GMPS: variants seen among roughly 807,000 people sequenced by gnomAD.
GMPS encodes the protein guanosine monophosphate synthase.
In GMPS, 15 loss-of-function variants were observed where a neutral mutation model predicts 77.9. That is an observed-to-expected ratio of 0.19 (90% CI 0.13 to 0.30). The LOEUF is 0.30. Among genes scored for constraint, GMPS ranks in the 10% least tolerant of loss-of-function variants. The probability of loss-of-function intolerance (pLI) is 1.00; values close to 1 mark genes in which losing one functional copy is unlikely to be tolerated. For synonymous variants in GMPS, 224 were observed against 275.9 expected (o/e 0.81, Z 1.86); for missense variants, 590 against 838.8 (o/e 0.70, Z 3.66).
chr3:155,908,300 G>A (rs755320047), intron 5 of GMPS, among the ~76,000 whole-genome samples: 70 of 152,222 alleles, frequency 4.6e-4, no homozygotes, highest in Non-Finnish European at 7.5e-4. Context: ...GCAGGAGGGA[G>A]GAGCCTGGCC....
chr3:155,913,054 G>A (rs1755080875), intron 7 of GMPS, among the ~76,000 whole-genome samples: 1 of 152,194 alleles, frequency 6.6e-6, no homozygotes, highest in African/African-American at 2.4e-5. Flanking sequence ...GAGGGTGGAG[G>A]TAAGACTCTA....
chr3:155,887,248 G>T (rs1258040861), intron 1 of GMPS, among the ~76,000 whole-genome samples: 1 of 152,112 alleles, frequency 6.6e-6, no homozygotes, highest in Admixed American at 6.6e-5. Context: ...TCACTGTAAG[G>T]TTTTGAGCAA....
chr3:155,886,177 A>G (rs1264023695), intron 1 of GMPS, among the ~76,000 whole-genome samples: 2 of 152,162 alleles, frequency 1.3e-5, no homozygotes, highest in Non-Finnish European at 1.5e-5. Context: ...GCACTTGTCC[A>G]TTCATAATTG....
chr3:155,870,543 G>A (rs1244608424), upstream of GMPS: 3 of 273,806 alleles, frequency 1.1e-5, no homozygotes, highest in African/African-American at 4.4e-5. Context: ...CTCGAGGGCC[G>A]GCCGGTTTGG....
chr3:155,894,727 T>G (rs1754559159), intron 2 of GMPS, among the ~76,000 whole-genome samples: 1 of 152,214 alleles, frequency 6.6e-6, no homozygotes, highest in South Asian at 2.1e-4. Flanking sequence ...AAAAGAACTT[T>G]TAAAGACTTC....
chr3:155,906,100 G>C, intron 4 of GMPS, 60 bp from the exon 5 acceptor site: 1 of 945,274 alleles, frequency 1.1e-6, no homozygotes, highest in Non-Finnish European at 1.6e-6. Flanking sequence ...TAAAACAAAA[G>C]AACCCATGAA....
At chr3:155,891,513 C>A (rs1027612664) in intron 1 of GMPS, among the ~76,000 whole-genome samples, 2 of 151,922 alleles carry the variant, frequency 1.3e-5, no homozygotes, top group Non-Finnish European at 2.9e-5. Flanking sequence ...ATGACCAGAA[C>A]CTTCATTTCT....
At chr3:155,928,263 G>T (rs62287764) in intron 12 of GMPS, among the ~76,000 whole-genome samples, 8,250 of 151,862 alleles carry the variant, frequency 0.054, 311 homozygotes, top group East Asian at 0.18. Context: ...CTGAGCTCAG[G>T]CAATCCACCC....
At chr3:155,874,049 C>G (rs965007202) in intron 1 of GMPS, among the ~76,000 whole-genome samples, 1 of 152,190 alleles carries the variant, frequency 6.6e-6, no homozygotes, top group South Asian at 2.1e-4. Context: ...TACCCTTTCC[C>G]CCTGAGTCTC....
At position 155,940,261 on chromosome 3, in the gene GMPS, C is replaced by T. The variant is rs1188232580; in HGVS notation, c.*2569C>T. The T allele has an allele frequency of 5.0e-6, 1 of 201,726 alleles. No individual in the cohort carries two copies. The highest frequency in any genetic ancestry group is 7.7e-5 in the East Asian group (1 of 13,026). 12.5% of individuals were successfully genotyped at this position (201,726 alleles called of 1,614,324 possible). ...CAGGCACAGAATCATTTTTAAGAAC[C>T]AAATACCCAGTCCTGCCTTAAAGGC... On this transcript the variant is annotated 3_prime_UTR_variant, in exon 16 of 16. Coordinates refer to ENST00000496455, the MANE Select transcript of GMPS (RefSeq NM_003875.3).
intron 5 of GMPS, among the ~76,000 whole-genome samples, chr3:155,908,542 A>G (rs1170473858): frequency 6.6e-6 from 1 of 152,220 alleles, no homozygotes; most frequent in Non-Finnish European, 1.5e-5. Context: ...CAGAGATAGA[A>G]GTTGTCAGGA....
chr3:155,912,145 T>C (rs572566589), intron 7 of GMPS, among the ~76,000 whole-genome samples: 1 of 152,344 alleles, frequency 6.6e-6, no homozygotes, highest in Non-Finnish European at 1.5e-5. Context: ...ATGGAATTAA[T>C]TGGAATTGAT....
At chr3:155,918,358 A>G (rs1288378141) in intron 9 of GMPS, among the ~76,000 whole-genome samples, 2 of 152,240 alleles carry the variant, frequency 1.3e-5, no homozygotes, top group Non-Finnish European at 2.9e-5. Flanking sequence ...AGGCTGAGGC[A>G]GGAGAATTGC....
intron 12 of GMPS, among the ~76,000 whole-genome samples, chr3:155,926,664 A>C (rs1297637381): frequency 6.6e-6 from 1 of 152,232 alleles, no homozygotes; most frequent in African/African-American, 2.4e-5. Context: ...TAAATATATG[A>C]ATCTGTCAGT....
chr3:155,909,875 G>A (rs1754984121), intron 5 of GMPS, among the ~76,000 whole-genome samples: 1 of 151,656 alleles, frequency 6.6e-6, no homozygotes, highest in Non-Finnish European at 1.5e-5. Flanking sequence ...CCAGGAGATC[G>A]AGACTATAGT....
In GMPS at chr3:155,931,858, C is replaced by A; in HGVS notation, c.1654C>A (p.Arg552Ser). ...TATTTTTCTGGCTAGGCTTATACCT[C>A]GCATGTGTCACAACGTTAACAGGTG... Reference protein sequence around the residue: ...SLIFLARLIPRMCHNVNRVVY... With the variant: ...SLIFLARLIPSMCHNVNRVVY... Residue 552 changes from arginine to serine, a missense_variant, in exon 13 of 16, where the codon CGC becomes AGC. Physicochemically the swap from Arg to Ser is moderately radical, Grantham distance 110. Transcript: ENST00000496455. The A allele has an allele frequency of 1.9e-6, 3 of 1,553,690 alleles. No individual in the cohort carries two copies. Among genetic ancestry groups the A allele is most frequent in the Non-Finnish European group, 2.7e-6 (3 of 1,125,546 alleles).
chr3:155,934,572 T>C (rs2108149758), intron 13 of GMPS, among the ~76,000 whole-genome samples: 1 of 152,278 alleles, frequency 6.6e-6, no homozygotes. Flanking sequence ...AGACCCTTTT[T>C]CTCCCCAGAG....
At position 155,874,901 on chromosome 3, in the gene GMPS, CTT is replaced by C. The variant is rs1171275758; in HGVS notation, c.27+4027_27+4028del. 5.1e-3 allele frequency among the ~76,000 whole-genome samples: 365 copies of C among 71,382 alleles called. 1 individual carries two copies. Among genetic ancestry groups the C allele is most frequent in the African/African-American group, 0.018 (323 of 18,062 alleles). 46.8% of individuals were successfully genotyped at this position (71,382 alleles called of 152,430 possible). On this transcript the variant is annotated intron_variant, in intron 1 of 15. Coordinates refer to ENST00000496455, the MANE Select transcript of GMPS (RefSeq NM_003875.3). ...GTAGTACATTCTTAAACTTTGTTTT[CTT>C]TTTTTTTTTTTTTTTTTTTTTTGAG... is the stretch of plus-strand genomic sequence containing the variant.
intron 1 of GMPS, among the ~76,000 whole-genome samples, chr3:155,873,985 C>T (rs776599063): frequency 6.6e-6 from 1 of 152,088 alleles, no homozygotes; most frequent in Non-Finnish European, 1.5e-5. Context: ...CACCCATCAC[C>T]CGAACGGTAT....
Sources: gnomAD v4.1 joint callset for allele counts (sites outside exome capture counted in the v4.1 genomes callset) on GRCh38, gnomAD v4.1.1 for gene constraint, MANE v1.5 for transcripts, NCBI Gene and HGNC (gene_info 2026-07-23, HGNC 2026-07-21) for gene names.